CPQ: variants seen among roughly 807,000 people sequenced by gnomAD.
CPQ encodes the protein Ser-Met dipeptidase.
CPQ carries 37 observed loss-of-function variants against 45.7 expected under a neutral mutation model. That is an observed-to-expected ratio of 0.81 (90% CI 0.62 to 1.07). The LOEUF (loss-of-function observed/expected upper bound fraction) is 1.07. Among genes scored for constraint, CPQ ranks in the 50% least tolerant of loss-of-function variants. CPQ has a pLI of 0.00. For missense variants in CPQ, 537 were observed against 572.9 expected (o/e 0.94, Z 0.64); for synonymous variants, 186 against 205.8 (o/e 0.90, Z 0.82).
At chr8:96,847,860 A>T (rs1186982587) in intron 3 of CPQ, among the ~76,000 whole-genome samples, 20 of 95,666 alleles carry the variant, frequency 2.1e-4, no homozygotes, top group African/African-American at 3.3e-4. Flanking sequence ...TTTTTAAACT[A>T]TGCAGCTCTG....
chr8:96,954,024 G>T (rs144281092), intron 4 of CPQ, among the ~76,000 whole-genome samples: 33 of 152,242 alleles, frequency 2.2e-4, no homozygotes, highest in Non-Finnish European at 4.4e-4. Context: ...AAACAAGATT[G>T]TATCAAGGGC....
intron 7 of CPQ, among the ~76,000 whole-genome samples, chr8:97,116,591 G>A (rs959270628): frequency 6.6e-6 from 1 of 152,190 alleles, no homozygotes; most frequent in Non-Finnish European, 1.5e-5. Flanking sequence ...TCCAGTGCAG[G>A]ACTGTGTGGA....
At position 97,066,190 on chromosome 8, in the gene CPQ, G is replaced by C; in HGVS notation, c.1235G>C (p.Trp412Ser). ...SHGEGTDINF[W>S]IQAGVPGASL... The stretch of plus-strand genomic sequence containing the variant: ...GGAGAAGGGACAGACATCAACTTTT[G>C]GATCCAAGCTGGAGTGCCTGGTAAG... The change falls in exon 7 of 8, where the codon TGG becomes TCG. Residue 412 changes from tryptophan to serine, a missense_variant. Physicochemically the swap from Trp to Ser is radical, Grantham distance 177. Coordinates refer to ENST00000220763, the MANE Select transcript of CPQ (RefSeq NM_016134.4). 3.1e-6 allele frequency: 5 copies of C among 1,609,732 alleles called. No individual in the cohort carries two copies. Among genetic ancestry groups the C allele is most frequent in the Non-Finnish European group, 4.2e-6 (5 of 1,178,794 alleles).
rs576368853 is a variant in CPQ, at chr8:97,068,955, G to T, written c.1255+2745G>T. 2.0e-5 allele frequency among the ~76,000 whole-genome samples: 3 copies of T among 152,256 alleles called. No individual in the cohort carries two copies. In the South Asian group the frequency reaches 6.2e-4, roughly 32 times the overall value. On this transcript the variant is annotated intron_variant, in intron 7 of 7. Transcript: ENST00000220763. ...AATGCTGAGAAGCCTCCAAATCTCC[G>T]GCAGTGTCTAAAATGTTTATCTTAC...
intron 7 of CPQ, among the ~76,000 whole-genome samples, chr8:97,088,914 C>T (rs947500184): frequency 6.6e-6 from 1 of 152,108 alleles, no homozygotes; most frequent in African/African-American, 2.4e-5. Context: ...CCAAGCTATA[C>T]TCGAAATAAC....
intron 4 of CPQ, among the ~76,000 whole-genome samples, chr8:96,957,900 C>T (rs1586466835): frequency 6.7e-6 from 1 of 149,808 alleles, no homozygotes; most frequent in South Asian, 2.1e-4. Flanking sequence ...GTGGTGTGTT[C>T]ATGGCTCACT....
chr8:96,653,591 T>C, intron 1 of CPQ, among the ~76,000 whole-genome samples: 1 of 152,206 alleles, frequency 6.6e-6, no homozygotes, highest in East Asian at 1.9e-4. Flanking sequence ...GTAACATAAA[T>C]AGCCAATTAA....
rs186281885 is a variant in CPQ at position 96,996,963 on chromosome 8, A to C, written c.961+30917A>C. Among the ~76,000 whole-genome samples the C allele has an allele frequency of 9.9e-5, 15 of 152,106 alleles. No individual in the cohort carries two copies. The East Asian group carries it at 2.9e-3, about 29-fold the overall frequency. On this transcript the variant is annotated intron_variant, in intron 5 of 7. Transcript: ENST00000220763. ...GGAGCCAGTGGCCTTGTTTTCGAAAAGTCCCAGGTCTCCCATCACTCCCTC... is the reference window on the plus strand; with the variant it reads ...GGAGCCAGTGGCCTTGTTTTCGAAACGTCCCAGGTCTCCCATCACTCCCTC...
chr8:96,968,032 T>C (rs1487183720), intron 5 of CPQ, among the ~76,000 whole-genome samples: 1 of 151,520 alleles, frequency 6.6e-6, no homozygotes, highest in Admixed American at 6.6e-5. Flanking sequence ...GACAGTACCA[T>C]TTTTTTAATA....
At chr8:96,654,803 T>C (rs565169174) in intron 1 of CPQ, among the ~76,000 whole-genome samples, 108 of 152,352 alleles carry the variant, frequency 7.1e-4, no homozygotes, top group Non-Finnish European at 1.4e-3. Flanking sequence ...GCTTGGAGGT[T>C]AGCAGCTTTA....
At chr8:96,891,756 A>T (rs1458615734) in intron 4 of CPQ, among the ~76,000 whole-genome samples, 1 of 152,208 alleles carries the variant, frequency 6.6e-6, no homozygotes, top group Non-Finnish European at 1.5e-5. Flanking sequence ...TCATAGCACC[A>T]TAGCTGCATG....
At chr8:96,931,514 C>T (rs961475297) in intron 4 of CPQ, among the ~76,000 whole-genome samples, 3 of 152,142 alleles carry the variant, frequency 2.0e-5, no homozygotes, top group East Asian at 1.9e-4. Context: ...GGGCCTGATA[C>T]ACTCCTAGGA....
chr8:96,764,174 A>G (rs1247141032), intron 1 of CPQ, among the ~76,000 whole-genome samples: 2 of 152,212 alleles, frequency 1.3e-5, no homozygotes, highest in Non-Finnish European at 2.9e-5. Flanking sequence ...ACTGTGTTAT[A>G]TCTATATTAT....
chr8:96,730,866 C>CATACATATATATATATAT (rs56216136), intron 1 of CPQ, among the ~76,000 whole-genome samples: 4,182 of 67,786 alleles, frequency 0.062, 249 homozygotes, highest in East Asian at 0.11. Flanking sequence ...ACCATACATA[C>CATACATATATATATATAT]ATATATATAT....
chr8:97,083,534 T>C (rs1416909231), intron 7 of CPQ, among the ~76,000 whole-genome samples: 6 of 152,322 alleles, frequency 3.9e-5, no homozygotes, highest in East Asian at 3.9e-4. Context: ...GGTACAACAC[T>C]GCAGAGAATA....
chr8:96,773,785 A>G (rs984167618), intron 1 of CPQ, among the ~76,000 whole-genome samples: 4 of 152,134 alleles, frequency 2.6e-5, no homozygotes. Flanking sequence ...CTAGGATGGC[A>G]CCCTGTGGCT....
chr8:97,014,636 C>T (rs1586494902), intron 5 of CPQ, among the ~76,000 whole-genome samples: 1 of 124,746 alleles, frequency 8.0e-6, no homozygotes, highest in Non-Finnish European at 1.6e-5. Flanking sequence ...AGGGAGACTC[C>T]ATCTCAAAAA....
intron 5 of CPQ, among the ~76,000 whole-genome samples, chr8:97,022,684 A>G (rs1324515356): frequency 6.6e-6 from 1 of 152,110 alleles, no homozygotes; most frequent in Non-Finnish European, 1.5e-5. Flanking sequence ...ATGCGATACT[A>G]CCTTACTCCC....
intron 1 of CPQ, among the ~76,000 whole-genome samples, chr8:96,656,909 G>T (rs956286843): frequency 6.6e-6 from 1 of 152,178 alleles, no homozygotes; most frequent in African/African-American, 2.4e-5. Flanking sequence ...AACCCAGGAG[G>T]TCTAGCCATG....
Sources: allele counts gnomAD v4.1 joint callset (sites outside exome capture counted in the v4.1 genomes callset), GRCh38; gene constraint gnomAD v4.1.1; transcripts MANE v1.5; gene names NCBI Gene and HGNC (gene_info 2026-07-23, HGNC 2026-07-21).